RBFOX1: variants seen among roughly 807,000 people sequenced by gnomAD.
RBFOX1 encodes RNA binding protein fox-1 homolog 1.
In RBFOX1, 8 loss-of-function variants were observed where a neutral mutation model predicts 57.7. The ratio of observed to expected loss-of-function variants is 0.14; its 90% CI spans 0.08 to 0.25. RBFOX1 has a LOEUF of 0.25. RBFOX1 is among the 10% of genes least tolerant of loss of function. RBFOX1 has a pLI of 1.00. For synonymous variants in RBFOX1, 326 were observed against 222.4 expected (o/e 1.47, Z -4.15); for missense variants, 611 against 548.5 (o/e 1.11, Z -1.14).
intron 12 of RBFOX1, among the ~76,000 whole-genome samples, chr16:7,660,454 T>C (rs1346364538): frequency 6.6e-6 from 1 of 152,236 alleles, no homozygotes; most frequent in Non-Finnish European, 1.5e-5. Flanking sequence ...CCTGTGCCTC[T>C]TTCCCTGCAT....
At chr16:6,520,947 G>GA (rs559483296) in intron 2 of RBFOX1, among the ~76,000 whole-genome samples, 1 of 151,702 alleles carries the variant, frequency 6.6e-6, no homozygotes, top group African/African-American at 2.4e-5. Context: ...TGTAGGGGGG[G>GA]AAAAAAATAA....
At chr16:6,787,702 A>G (rs756174667) in intron 3 of RBFOX1, among the ~76,000 whole-genome samples, 21 of 152,170 alleles carry the variant, frequency 1.4e-4, no homozygotes, top group Non-Finnish European at 2.5e-4. Flanking sequence ...GTAGCATTCC[A>G]TTGATTACTC....
At chr16:6,787,114 A>T (rs555007975) in intron 3 of RBFOX1, among the ~76,000 whole-genome samples, 1 of 152,170 alleles carries the variant, frequency 6.6e-6, no homozygotes, top group African/African-American at 2.4e-5. Context: ...AAATGCAATG[A>T]TTTCCTGCCC....
intron 3 of RBFOX1, among the ~76,000 whole-genome samples, chr16:6,970,676 C>T (rs556174050): frequency 3.4e-4 from 52 of 152,170 alleles, no homozygotes; most frequent in Non-Finnish European, 6.6e-4. Context: ...ACGTAATCAC[C>T]TTCTAAAAAT....
chr16:6,801,606 A>G (rs778348827), intron 3 of RBFOX1, among the ~76,000 whole-genome samples: 11 of 151,646 alleles, frequency 7.3e-5, no homozygotes, highest in African/African-American at 1.9e-4. Context: ...TGGCCAGGAG[A>G]CTCATGTGTC....
At chr16:5,396,601 C>T (rs1372473964) in intron 1 of RBFOX1, among the ~76,000 whole-genome samples, 1 of 152,128 alleles carries the variant, frequency 6.6e-6, no homozygotes. Flanking sequence ...GAGATCACGC[C>T]ATTCCACTCC....
chr16:5,244,174 G>C (rs551452611), intron 1 of RBFOX1, among the ~76,000 whole-genome samples: 10 of 152,318 alleles, frequency 6.6e-5, no homozygotes, highest in Admixed American at 5.9e-4. Context: ...TGAGATCACA[G>C]GTGTGAGCCA....
chr16:6,916,612 C>A (rs1001549249), intron 3 of RBFOX1, among the ~76,000 whole-genome samples: 1 of 152,042 alleles, frequency 6.6e-6, no homozygotes. Flanking sequence ...CATCTTGCAA[C>A]GCTATTGGCC....
intron 1 of RBFOX1, among the ~76,000 whole-genome samples, chr16:6,107,314 C>T (rs1206671817): frequency 6.6e-6 from 1 of 152,010 alleles, no homozygotes; most frequent in Non-Finnish European, 1.5e-5. Flanking sequence ...TGAAATGACC[C>T]TCCAGGCAAG....
rs533377800 is a variant in RBFOX1 at position 7,353,200 on chromosome 16, C to T, written c.28-164947C>T. Among the ~76,000 whole-genome samples, 143 of 152,208 alleles carry T rather than the reference C, an allele frequency of 9.4e-4. 1 individual carries two copies. Among genetic ancestry groups the T allele is most frequent in the African/African-American group, 2.8e-3 (116 of 41,536 alleles). On this transcript the variant is annotated intron_variant, in intron 4 of 15. Coordinates refer to ENST00000550418, the MANE Select transcript of RBFOX1 (RefSeq NM_018723.4). ...ATTGATTCACAAAAACCATACTTTT[C>T]GTCTCTAATTTAACTGGACATTCAC...
At chr16:7,668,681 C>CAT (rs397791455) in intron 13 of RBFOX1, among the ~76,000 whole-genome samples, 7 of 151,810 alleles carry the variant, frequency 4.6e-5, no homozygotes, top group Admixed American at 3.9e-4. Flanking sequence ...CACACACACA[C>CAT]TTTTGTATAA....
chr16:5,596,132 A>G (rs1032070113), intron 2 of RBFOX1, among the ~76,000 whole-genome samples: 1 of 152,110 alleles, frequency 6.6e-6, no homozygotes, highest in African/African-American at 2.4e-5. Context: ...AAGGGGCTGG[A>G]AAGTGTGGAA....
intron 4 of RBFOX1, among the ~76,000 whole-genome samples, chr16:7,274,991 T>C (rs1215937216): frequency 6.6e-6 from 1 of 152,128 alleles, no homozygotes; most frequent in East Asian, 1.9e-4. Flanking sequence ...CCCAAAAGCA[T>C]TAGCTTCTAA....
At chr16:5,624,004 C>T (rs982440884) in intron 3 of RBFOX1, among the ~76,000 whole-genome samples, 3 of 152,178 alleles carry the variant, frequency 2.0e-5, no homozygotes, top group Non-Finnish European at 4.4e-5. Flanking sequence ...CTTTTGCAGA[C>T]TATTTGATTT....
intron 2 of RBFOX1, among the ~76,000 whole-genome samples, chr16:5,572,569 G>A (rs952025552): frequency 6.6e-6 from 1 of 152,166 alleles, no homozygotes; most frequent in African/African-American, 2.4e-5. Flanking sequence ...ATTGCCAAAT[G>A]GTCCCTGGTA....
intron 3 of RBFOX1, among the ~76,000 whole-genome samples, chr16:6,682,130 C>T (rs1026643018): frequency 3.9e-5 from 6 of 152,142 alleles, no homozygotes; most frequent in Admixed American, 2.0e-4. Flanking sequence ...TAGTGAAGTG[C>T]CTGTGCCTTG....
intron 4 of RBFOX1, among the ~76,000 whole-genome samples, chr16:7,177,580 C>T (rs1043266935): frequency 1.3e-5 from 2 of 152,106 alleles, no homozygotes; most frequent in Non-Finnish European, 2.9e-5. Context: ...TTTTCACAGG[C>T]ACTACCTTTG....
At chr16:7,533,134 T>C (rs533185413) in intron 5 of RBFOX1, among the ~76,000 whole-genome samples, 95 of 152,362 alleles carry the variant, frequency 6.2e-4, no homozygotes, top group African/African-American at 2.2e-3. Context: ...TGTACCCTTT[T>C]ACCTGCATGG....
intron 4 of RBFOX1, among the ~76,000 whole-genome samples, chr16:6,001,869 C>A (rs2060606031): frequency 6.6e-6 from 1 of 151,930 alleles, no homozygotes; most frequent in Non-Finnish European, 1.5e-5. Flanking sequence ...CCCTCTGAGG[C>A]CCTCCTCATT....
Sources: gnomAD v4.1 joint callset for allele counts (sites outside exome capture counted in the v4.1 genomes callset) on GRCh38, gnomAD v4.1.1 for gene constraint, MANE v1.5 for transcripts, NCBI Gene and HGNC (gene_info 2026-07-23, HGNC 2026-07-21) for gene names.